PTPRK: variants seen among roughly 807,000 people sequenced by gnomAD.
PTPRK encodes the protein receptor-type tyrosine-protein phosphatase kappa.
Under a neutral mutation model 178.0 loss-of-function variants are expected in PTPRK, and 75 were observed. The observed-to-expected ratio is 0.42, with a 90% CI of 0.35 to 0.51. The LOEUF is 0.51. PTPRK is among the 20% of genes least tolerant of loss of function. The pLI, the probability that PTPRK is intolerant of heterozygous loss-of-function variation, is 0.02. For synonymous variants in PTPRK, 637 were observed against 620.6 expected (o/e 1.03, Z -0.39); for missense variants, 1,441 against 1,797.8 (o/e 0.80, Z 3.59).
At chr6:128,008,925 G>A (rs1285292336) in intron 14 of PTPRK, among the ~76,000 whole-genome samples, 1 of 151,142 alleles carries the variant, frequency 6.6e-6, no homozygotes, top group Non-Finnish European at 1.5e-5. Flanking sequence ...AAAAGCATAT[G>A]TTTATATCCA....
chr6:128,262,494 T>C (rs998349616), intron 3 of PTPRK, among the ~76,000 whole-genome samples: 1 of 152,056 alleles, frequency 6.6e-6, no homozygotes, highest in African/African-American at 2.4e-5. Context: ...CAACACTAAC[T>C]TCCCAAAGAA....
chr6:128,004,760 C>T (rs1170413899), intron 15 of PTPRK, among the ~76,000 whole-genome samples: 1 of 151,776 alleles, frequency 6.6e-6, no homozygotes, highest in Non-Finnish European at 1.5e-5. Context: ...ATTATAAATT[C>T]TGACATGAAC....
At chr6:128,224,367 G>T (rs1810919513) in intron 5 of PTPRK, among the ~76,000 whole-genome samples, 1 of 152,114 alleles carries the variant, frequency 6.6e-6, no homozygotes, top group South Asian at 2.1e-4. Context: ...TACTAAGTCA[G>T]CTTCATCATG....
chr6:128,182,808 A>G (rs1260207018), intron 7 of PTPRK, among the ~76,000 whole-genome samples: 7 of 152,184 alleles, frequency 4.6e-5, no homozygotes, highest in African/African-American at 7.2e-5. Context: ...TGGCTTTCAC[A>G]TCTGGAACCA....
intron 3 of PTPRK, among the ~76,000 whole-genome samples, chr6:128,302,012 T>G (rs1825693519): frequency 6.6e-6 from 1 of 152,156 alleles, no homozygotes; most frequent in Non-Finnish European, 1.5e-5. Flanking sequence ...AACTTTATCT[T>G]AAGTTCCCGA....
intron 7 of PTPRK, among the ~76,000 whole-genome samples, chr6:128,153,845 C>G (rs745876545): frequency 2.0e-5 from 3 of 151,774 alleles, no homozygotes; most frequent in Non-Finnish European, 4.4e-5. Context: ...GGTCTTTTCC[C>G]CTGAAATATT....
intron 1 of PTPRK, among the ~76,000 whole-genome samples, chr6:128,398,412 G>T (rs1353812317): frequency 6.6e-6 from 1 of 152,078 alleles, no homozygotes; most frequent in Non-Finnish European, 1.5e-5. Flanking sequence ...GTTCTAGGAC[G>T]TCAGGTGAAT....
chr6:128,306,197 A>G (rs946638166), intron 3 of PTPRK, among the ~76,000 whole-genome samples: 5 of 152,226 alleles, frequency 3.3e-5, no homozygotes, highest in African/African-American at 9.6e-5. Flanking sequence ...ATACCAGGGA[A>G]TAAAGGAAAA....
At chr6:128,086,188 A>G (rs1333110123) in intron 8 of PTPRK, among the ~76,000 whole-genome samples, 1 of 152,184 alleles carries the variant, frequency 6.6e-6, no homozygotes, top group Non-Finnish European at 1.5e-5. Context: ...CCTTTATAAT[A>G]TAACTCTCAA....
chr6:128,104,514 G>A lies in PTPRK; in HGVS notation c.1163-14522C>T, dbSNP rs1279941927. ...TGGGATTATAGGCATAAGCCACCAC[G>A]CCCGGCCTATATTCTGTCTTTCCAT... On this transcript the variant is annotated intron_variant, in intron 7 of 29. Coordinates refer to ENST00000368226, the MANE Select transcript of PTPRK (RefSeq NM_002844.4). Among the ~76,000 whole-genome samples the A allele has an allele frequency of 3.3e-5, 5 of 152,280 alleles. No homozygotes were observed. In the East Asian group the frequency reaches 7.7e-4, roughly 24 times the overall value.
At chr6:128,281,332 T>C (rs1395632313) in intron 3 of PTPRK, among the ~76,000 whole-genome samples, 1 of 152,198 alleles carries the variant, frequency 6.6e-6, no homozygotes, top group East Asian at 1.9e-4. Context: ...TAGGTTTCAC[T>C]TATCCAAAAA....
At chr6:128,357,914 T>A (rs972519656) in intron 2 of PTPRK, among the ~76,000 whole-genome samples, 1 of 152,226 alleles carries the variant, frequency 6.6e-6, no homozygotes, top group African/African-American at 2.4e-5. Flanking sequence ...AGTGATGTTA[T>A]ACAGACATTA....
chr6:128,216,790 G>A (rs1007056379), intron 6 of PTPRK, among the ~76,000 whole-genome samples: 12 of 151,890 alleles, frequency 7.9e-5, no homozygotes, highest in African/African-American at 1.2e-4. Context: ...GAAAATGTTC[G>A]CATGAAAGAA....
chr6:128,443,517 C>A (rs1846553247), intron 1 of PTPRK, among the ~76,000 whole-genome samples: 1 of 152,104 alleles, frequency 6.6e-6, no homozygotes. Flanking sequence ...TTTGAGGGAA[C>A]ACTAGATTAG....
chr6:128,382,409 T>TC (rs1269780654), intron 2 of PTPRK, among the ~76,000 whole-genome samples: 4 of 86,370 alleles, frequency 4.6e-5, no homozygotes, highest in Non-Finnish European at 1.2e-4. Context: ...ATATGAAAAT[T>TC]CTTTTTTTTT....
intron 2 of PTPRK, among the ~76,000 whole-genome samples, chr6:128,386,770 C>T (rs1838800164): frequency 1.3e-5 from 2 of 152,098 alleles, no homozygotes; most frequent in Admixed American, 1.3e-4. Flanking sequence ...CTTGCTGCAC[C>T]TATCTAAAGG....
intron 13 of PTPRK, among the ~76,000 whole-genome samples, chr6:128,053,955 C>G (rs561296177): frequency 1.3e-3 from 191 of 152,330 alleles, no homozygotes; most frequent in Non-Finnish European, 2.4e-3. Flanking sequence ...TTCACCTCTA[C>G]TATTTAACTG....
At position 128,219,110 on chromosome 6, in the gene PTPRK, C is replaced by A; in HGVS notation, c.694-14G>T. On this transcript the variant is annotated splice_polypyrimidine_tract_variant and intron_variant, in intron 5 of 29. Transcript: ENST00000368226. The stretch of plus-strand genomic sequence containing the variant: ...TCCATTTCGTCTCTGCAAACAGAAA[C>A]CAATCTTTAAAAACAGGTTCTTACT... The A allele has an allele frequency of 6.3e-7, 1 of 1,596,412 alleles. No homozygotes were observed. Among genetic ancestry groups the A allele is most frequent in the African/African-American group, 1.3e-5 (1 of 74,334 alleles).
At chr6:128,457,442 A>G (rs1209649235) in intron 1 of PTPRK, among the ~76,000 whole-genome samples, 1 of 152,184 alleles carries the variant, frequency 6.6e-6, no homozygotes, top group African/African-American at 2.4e-5. Context: ...TTGAAGAGAC[A>G]GACAGACTTA....
Sources: allele counts gnomAD v4.1 joint callset (sites outside exome capture counted in the v4.1 genomes callset), GRCh38; gene constraint gnomAD v4.1.1; transcripts MANE v1.5; gene names NCBI Gene and HGNC (gene_info 2026-07-23, HGNC 2026-07-21).